Variants in EYA2 observed in about 807,000 individuals in gnomAD.
EYA2 encodes the protein protein phosphatase EYA2.
Under a neutral mutation model 69.2 loss-of-function variants are expected in EYA2, and 31 were observed. That is an observed-to-expected ratio of 0.45 (90% confidence interval 0.34 to 0.60). The LOEUF is 0.60. Among genes scored for constraint, EYA2 ranks in the 20% least tolerant of loss-of-function variants. The pLI is 0.02. For synonymous variants in EYA2, 257 were observed against 279.4 expected, an observed-to-expected ratio of 0.92 and a Z score of 0.80; for missense variants, 622 against 701.2, an observed-to-expected ratio of 0.89 and a Z score of 1.28.
chr20:46,987,160 C>A (rs566462456), intron 1 of EYA2, among the ~76,000 whole-genome samples: 1 of 152,190 alleles, frequency 6.6e-6, no homozygotes, highest in Non-Finnish European at 1.5e-5. Context: ...AGGCCACACA[C>A]GGTCTCTGTT....
At chr20:47,127,739 C>T (rs1401826623) in intron 9 of EYA2, among the ~76,000 whole-genome samples, 4 of 152,164 alleles carry the variant, frequency 2.6e-5, no homozygotes, top group African/African-American at 4.8e-5. Context: ...GCAGACAGTC[C>T]TGGAGGGCTT....
intron 1 of EYA2, among the ~76,000 whole-genome samples, chr20:46,918,672 G>A (rs1203402601): frequency 1.3e-5 from 2 of 152,158 alleles, no homozygotes; most frequent in Non-Finnish European, 2.9e-5. Context: ...TCATTGATGA[G>A]GGCCAGAATC....
chr20:47,014,305 G>A (rs574463575), intron 4 of EYA2, among the ~76,000 whole-genome samples: 7 of 152,056 alleles, frequency 4.6e-5, no homozygotes, highest in Admixed American at 1.3e-4. Flanking sequence ...CTTATTTTAC[G>A]GGGTTGACAG....
chr20:46,962,237 G>C (rs2146289133), intron 1 of EYA2, among the ~76,000 whole-genome samples: 1 of 152,218 alleles, frequency 6.6e-6, no homozygotes. Context: ...ATGTTGCCCA[G>C]GCTGGTCTTG....
chr20:46,970,797 T>C (rs1980090787), intron 1 of EYA2, among the ~76,000 whole-genome samples: 1 of 152,218 alleles, frequency 6.6e-6, no homozygotes, highest in South Asian at 2.1e-4. Context: ...TAAACCATTA[T>C]GTTTTTGGTG....
At chr20:46,912,557 G>A (rs370926642) in intron 1 of EYA2, among the ~76,000 whole-genome samples, 3 of 152,170 alleles carry the variant, frequency 2.0e-5, no homozygotes, top group Admixed American at 1.3e-4. Context: ...TTTTGTTTAG[G>A]GGGGAAAGAA....
At chr20:46,978,495 G>T (rs1382166201) in intron 1 of EYA2, 2 of 508,456 alleles carry the variant, frequency 3.9e-6, no homozygotes, top group Non-Finnish European at 8.1e-6. Context: ...CCTGTGGCAA[G>T]AGGGAGTGTG....
intron 7 of EYA2, among the ~76,000 whole-genome samples, chr20:47,075,858 C>A (rs1045230074): frequency 9.2e-5 from 14 of 152,180 alleles, no homozygotes; most frequent in African/African-American, 3.4e-4. Context: ...TCCTTCCATC[C>A]TCTACCCTCA....
chr20:47,026,316 A>G lies in EYA2; in HGVS notation c.415+10019A>G, dbSNP rs183980403. ...AAATGTTAAAAATAAAACCATAAAA[A>G]TACTAGAACGAGAATAAGCACAATT... On this transcript the variant is annotated intron_variant, in intron 5 of 15. Transcript: ENST00000327619. 1.5e-3 allele frequency among the ~76,000 whole-genome samples: 229 copies of G among 152,360 alleles called. 1 individual carries two copies. Among genetic ancestry groups the G allele is most frequent in the Non-Finnish European group, 2.6e-3 (180 of 68,034 alleles).
intron 2 of EYA2, among the ~76,000 whole-genome samples, chr20:46,994,211 C>T (rs960936240): frequency 6.6e-6 from 1 of 152,102 alleles, no homozygotes; most frequent in African/African-American, 2.4e-5. Flanking sequence ...TTCCTTACTG[C>T]GTTGTTGTGG....
chr20:47,008,316 G>C (rs1455582079), intron 4 of EYA2, among the ~76,000 whole-genome samples: 6 of 152,192 alleles, frequency 3.9e-5, no homozygotes, highest in Non-Finnish European at 7.3e-5. Flanking sequence ...CACCCAGCTG[G>C]TTGGTGGCAG....
At position 46,929,152 on chromosome 20, in the gene EYA2, CAAAAA is replaced by C. The variant is rs11329475; in HGVS notation, c.-11+34181_-11+34185del. On this transcript the variant is annotated intron_variant, in intron 1 of 15. Coordinates refer to ENST00000327619, the MANE Select transcript of EYA2 (RefSeq NM_005244.5). ...GCTTTGCCATCACAAATAAGTTGTG[CAAAAA>C]AAAAAAAAAAAAAAAGAAGAAAAGA... is the stretch of plus-strand genomic sequence containing the variant. Among the ~76,000 whole-genome samples the C allele has an allele frequency of 1.0e-4, 10 of 98,298 alleles. No homozygotes were observed. In the South Asian group the frequency reaches 1.4e-3, roughly 13 times the overall value. 64.5% of individuals were successfully genotyped at this position (98,298 alleles called of 152,430 possible). A position where few individuals can be genotyped will look rare whatever the true frequency, so the allele number is the denominator to read the frequency against.
intron 10 of EYA2, among the ~76,000 whole-genome samples, chr20:47,152,705 G>A (rs1052354875): frequency 1.3e-4 from 20 of 151,812 alleles, no homozygotes; most frequent in South Asian, 6.4e-4. Context: ...CAGCTACTCA[G>A]GAGGCTGAGG....
chr20:47,138,004 G>A (rs192658247), intron 9 of EYA2, among the ~76,000 whole-genome samples: 429 of 148,956 alleles, frequency 2.9e-3, no homozygotes, highest in Middle Eastern at 0.01. Flanking sequence ...TGTGGGGAGG[G>A]GGGAGGGATA....
intron 9 of EYA2, among the ~76,000 whole-genome samples, chr20:47,098,378 A>G (rs541143269): frequency 6.6e-6 from 1 of 152,338 alleles, no homozygotes; most frequent in South Asian, 2.1e-4. Flanking sequence ...GTGGTGTTTT[A>G]TGGTTTTCCT....
chr20:46,951,822 G>A (rs964444029), intron 1 of EYA2, among the ~76,000 whole-genome samples: 1 of 152,212 alleles, frequency 6.6e-6, no homozygotes, highest in African/African-American at 2.4e-5. Flanking sequence ...CAGAGCCTAA[G>A]TTCCTTCATT....
intron 1 of EYA2, among the ~76,000 whole-genome samples, chr20:46,925,800 C>G (rs185605759): frequency 4.4e-3 from 669 of 152,274 alleles, no homozygotes; most frequent in Admixed American, 8.2e-3. Context: ...TTTAATCTAG[C>G]AATCTGTTCC....
chr20:47,118,907 C>G (rs1694801904), intron 9 of EYA2, among the ~76,000 whole-genome samples: 1 of 152,156 alleles, frequency 6.6e-6, no homozygotes, highest in African/African-American at 2.4e-5. Flanking sequence ...TGAAGGGCAT[C>G]TGAAAGGAAA....
At chr20:47,161,700 C>G (rs985177152) in intron 10 of EYA2, 1 of 198,340 alleles carries the variant, frequency 5.0e-6, no homozygotes, top group Non-Finnish European at 1.0e-5. Flanking sequence ...TCCAGCCCCC[C>G]ATCCCCCAAA....
Sources: gnomAD v4.1 joint callset for allele counts (sites outside exome capture counted in the v4.1 genomes callset) on GRCh38, gnomAD v4.1.1 for gene constraint, MANE v1.5 for transcripts, NCBI Gene and HGNC (gene_info 2026-07-23, HGNC 2026-07-21) for gene names.